Variants in REG4 observed in about 807,000 individuals in gnomAD.
REG4 encodes regenerating islet-derived protein 4.
Under a neutral mutation model 22.3 loss-of-function variants are expected in REG4, and 16 were observed. The ratio of observed to expected loss-of-function variants is 0.72; its 90% confidence interval spans 0.49 to 1.09. The LOEUF is 1.09. Among genes scored for constraint, REG4 ranks in the 50% least tolerant of loss-of-function variants. REG4 has a pLI of 0.00. For synonymous variants in REG4, 71 were observed against 69.2 expected (o/e 1.03, Z -0.13); for missense variants, 214 against 193.9 (o/e 1.10, Z -0.61).
At chr1:119,806,627 G>A (rs1222546161) in intron 2 of REG4, among the ~76,000 whole-genome samples, 1 of 152,210 alleles carries the variant, frequency 6.6e-6, no homozygotes, top group Non-Finnish European at 1.5e-5. Flanking sequence ...GTAACCTGCT[G>A]AGGTTACCCA....
intron 5 of REG4, among the ~76,000 whole-genome samples, 199 bp downstream of exon 5, chr1:119,798,298 A>G (rs1383086201): frequency 6.6e-6 from 1 of 152,252 alleles, no homozygotes; most frequent in African/African-American, 2.4e-5. Context: ...CATTGATGTG[A>G]CAAAGACTGT....
At chr1:119,807,295 G>A (rs1269761559) in intron 2 of REG4, among the ~76,000 whole-genome samples, 1 of 152,202 alleles carries the variant, frequency 6.6e-6, no homozygotes, top group Non-Finnish European at 1.5e-5. Flanking sequence ...TATGTCATAA[G>A]GGAGGTTCCC....
At chr1:119,802,859 AG>A (rs1328181560) in intron 3 of REG4, 4 of 1,544,802 alleles carry the variant, frequency 2.6e-6, no homozygotes, top group Non-Finnish European at 3.5e-6. Context: ...TAGCCCATCT[AG>A]GGTCTGGCAT....
chr1:119,798,395 A>G, intron 5 of REG4, 102 bp downstream of exon 5: 1 of 842,388 alleles, frequency 1.2e-6, no homozygotes, highest in South Asian at 1.6e-5. Flanking sequence ...TTGGTGTGGA[A>G]TGAGGAGGGC....
intron 2 of REG4, among the ~76,000 whole-genome samples, chr1:119,807,571 A>C (rs1363732865): frequency 6.6e-6 from 1 of 152,174 alleles, no homozygotes; most frequent in African/African-American, 2.4e-5. Flanking sequence ...GCCACATAGA[A>C]ATGGCCACAG....
intron 5 of REG4, among the ~76,000 whole-genome samples, chr1:119,794,966 G>A (rs766453971): frequency 3.3e-5 from 5 of 152,168 alleles, no homozygotes; most frequent in Non-Finnish European, 7.4e-5. Context: ...GAAAAGACCT[G>A]TCTCCCAAAG....
intron 1 of REG4, among the ~76,000 whole-genome samples, chr1:119,809,527 G>A (rs1417775864): frequency 6.6e-6 from 1 of 152,122 alleles, no homozygotes; most frequent in Non-Finnish European, 1.5e-5. Flanking sequence ...AGATAATTTG[G>A]TGAGTAGCCT....
Position 119,794,412 on chromosome 1 carries a change from G to A in REG4, c.*206C>T, listed in dbSNP as rs587650362. 10 of 637,592 alleles carry A rather than the reference G, an allele frequency of 1.6e-5. No individual in the cohort carries two copies. In the South Asian group the frequency reaches 1.8e-4, roughly 12 times the overall value. The allele number at this position is 637,592 out of a possible 1,614,324, so 39.5% of individuals were successfully genotyped here. A position where few individuals can be genotyped will look rare whatever the true frequency, so the allele number is the denominator to read the frequency against. ...GAAGAAGGATACTGTGGAAAGGGAT[G>A]GCGGGGCAAACATTTAGAGCTAGAA... On this transcript the variant is annotated 3_prime_UTR_variant, in exon 6 of 6. Transcript: ENST00000256585.
At chr1:119,801,144 A>C (rs1408387622) in intron 3 of REG4, 1 of 152,202 alleles carries the variant, frequency 6.6e-6, no homozygotes, top group East Asian at 1.9e-4. Flanking sequence ...CCTATTGTTC[A>C]ATTAAACACG....
intron 5 of REG4, among the ~76,000 whole-genome samples, chr1:119,797,585 T>A (rs992612003): frequency 1.3e-5 from 2 of 152,204 alleles, no homozygotes; most frequent in Admixed American, 1.3e-4. Context: ...GGTCCTGGTG[T>A]CACTATGATG....
chr1:119,801,357 T>TA (rs1307100950), intron 3 of REG4: 1 of 152,238 alleles, frequency 6.6e-6, no homozygotes, highest in Non-Finnish European at 1.5e-5. Flanking sequence ...TCCTCACACT[T>TA]ACAAACCACT....
chr1:119,803,049 C>T lies in REG4; in HGVS notation c.165+19G>A, dbSNP rs748584336. On this transcript the variant is annotated intron_variant, in intron 3 of 5. Coordinates refer to ENST00000256585, the MANE Select transcript of REG4 (RefSeq NM_032044.4). ...TTTGCTCTAGAAAGGCCAGGCCAAGCAGGCAGCAAGTTTCTTACCTCGGCA... is the reference window on the plus strand; with the variant it reads ...TTTGCTCTAGAAAGGCCAGGCCAAGTAGGCAGCAAGTTTCTTACCTCGGCA... 2.5e-6 allele frequency: 4 copies of T among 1,609,698 alleles called. No homozygotes were observed. In the South Asian group the frequency reaches 4.4e-5, roughly 18 times the overall value.
chr1:119,805,336 G>A (rs1161160349), intron 2 of REG4, among the ~76,000 whole-genome samples: 2 of 152,166 alleles, frequency 1.3e-5, no homozygotes, highest in Non-Finnish European at 2.9e-5. Flanking sequence ...GAAAGAGGTG[G>A]CAAAGAGGAA....
intron 3 of REG4, chr1:119,801,377 A>G (rs1010464016): frequency 3.3e-5 from 5 of 152,358 alleles, no homozygotes; most frequent in African/African-American, 1.2e-4. Context: ...TTACAATACC[A>G]GCATGCTTCT....
At chr1:119,797,375 G>T (rs1653964254) in intron 5 of REG4, among the ~76,000 whole-genome samples, 1 of 152,184 alleles carries the variant, frequency 6.6e-6, no homozygotes, top group Non-Finnish European at 1.5e-5. Flanking sequence ...TCCTCAGAGT[G>T]TGTCTCCTCA....
rs1199727444 is a variant in REG4 at position 119,799,848 on chromosome 1, A to C, written c.180T>G (p.Ser60=). 4 of 1,614,034 alleles carry C rather than the reference A, an allele frequency of 2.5e-6. No individual in the cohort carries two copies. The South Asian group carries it at 4.4e-5, about 18-fold the overall frequency. The change falls in exon 4 of 6, where the codon TCT becomes TCG. Residue 60 remains serine (S), a synonymous_variant. Coordinates refer to ENST00000256585, the MANE Select transcript of REG4 (RefSeq NM_032044.4). ...NWSDAELECQ[S]YGNGAHLASI... ...ATGCCAGGTGGGCTCCGTTTCCGTA[A>C]GACTGACACTCGAGCTATGTACAAG...
intron 1 of REG4, among the ~76,000 whole-genome samples, chr1:119,810,146 ATTG>A (rs1221864550): frequency 4.6e-5 from 7 of 152,076 alleles, no homozygotes; most frequent in East Asian, 3.8e-4. Context: ...TTTCAAAAAT[ATTG>A]TTATTTTTTA....
chr1:119,802,279 C>T (rs1438860552), intron 3 of REG4: 13 of 936,684 alleles, frequency 1.4e-5, no homozygotes, highest in Non-Finnish European at 1.7e-5. Context: ...GTTTAAATGT[C>T]GCAATCCTGC....
At chr1:119,800,267 T>C (rs1654057960) in intron 3 of REG4, among the ~76,000 whole-genome samples, 3 of 152,220 alleles carry the variant, frequency 2.0e-5, no homozygotes, top group African/African-American at 7.2e-5. Context: ...TCTAAGAAAC[T>C]GCTGATTGTA....
Sources: allele counts gnomAD v4.1 joint callset (sites outside exome capture counted in the v4.1 genomes callset), GRCh38; gene constraint gnomAD v4.1.1; transcripts MANE v1.5; gene names NCBI Gene and HGNC (gene_info 2026-07-23, HGNC 2026-07-21).